The following RANBP2 variants were observed in gnomAD, a reference collection of about 807,000 sequenced individuals.
RANBP2 encodes E3 SUMO-protein ligase RanBP2.
Under a neutral mutation model 303.6 loss-of-function variants are expected in RANBP2, and 57 were observed. That is an observed-to-expected ratio of 0.19 (90% CI 0.15 to 0.23). The LOEUF (loss-of-function observed/expected upper bound fraction) is 0.23, where lower values mean the gene tolerates loss of function less well. RANBP2 is among the 10% of genes least tolerant of loss of function. The pLI, the probability that RANBP2 is intolerant of heterozygous loss-of-function variation, is 1.00. For synonymous variants in RANBP2, 1,167 were observed against 1,301.5 expected (o/e 0.90, Z 2.23); for missense variants, 3,138 against 3,780.8 (o/e 0.83, Z 4.46).
chr2:108,814,733 A>G, the RANBP2 span, among the ~76,000 whole-genome samples: 1 of 150,254 alleles, frequency 6.7e-6, no homozygotes, highest in East Asian at 1.9e-4. Flanking sequence ...CAGTGGTGCA[A>G]CCTTTGCCTT....
the RANBP2 span, among the ~76,000 whole-genome samples, chr2:109,286,125 C>T: frequency 6.6e-6 from 1 of 152,148 alleles, no homozygotes; most frequent in Non-Finnish European, 1.5e-5. Context: ...ACCCTGCAGG[C>T]CTGGTGCTTT....
At chr2:109,267,401 G>A in the RANBP2 span, among the ~76,000 whole-genome samples, 1 of 152,162 alleles carries the variant, frequency 6.6e-6, no homozygotes, top group African/African-American at 2.4e-5. Context: ...GAGCTTGCCC[G>A]AAGAAAGAAA....
the RANBP2 span, among the ~76,000 whole-genome samples, chr2:109,187,127 G>A: frequency 2.7e-5 from 4 of 149,786 alleles, no homozygotes; most frequent in Non-Finnish European, 6.0e-5. Flanking sequence ...GCCACAGGGT[G>A]AGGGACACAG....
chr2:109,268,582 C>T, the RANBP2 span, among the ~76,000 whole-genome samples: 1 of 152,188 alleles, frequency 6.6e-6, no homozygotes, highest in Non-Finnish European at 1.5e-5. Flanking sequence ...GGGCCTCGCT[C>T]CAGGGAGAGG....
At chr2:109,093,914 C>T in the RANBP2 span, among the ~76,000 whole-genome samples, 18 of 152,342 alleles carry the variant, frequency 1.2e-4, no homozygotes, top group East Asian at 7.7e-4. Context: ...GTTATTCTCA[C>T]AGAAGCCCAG....
chr2:109,362,933 G>A, the RANBP2 span, among the ~76,000 whole-genome samples: 1 of 152,036 alleles, frequency 6.6e-6, no homozygotes, highest in Non-Finnish European at 1.5e-5. Flanking sequence ...TTGATTTGCT[G>A]TTAATCTGCT....
chr2:108,772,256 T>C (rs1190971672), intron 21 of RANBP2, among the ~76,000 whole-genome samples: 1 of 152,186 alleles, frequency 6.6e-6, no homozygotes, highest in Non-Finnish European at 1.5e-5. Context: ...TGGACAGTGG[T>C]ATATAGTATT....
the RANBP2 span, among the ~76,000 whole-genome samples, chr2:109,492,299 C>T: frequency 2.0e-5 from 3 of 152,190 alleles, no homozygotes; most frequent in Non-Finnish European, 4.4e-5. Context: ...CGCAGTTTGC[C>T]AGCCCTGACA....
the RANBP2 span, among the ~76,000 whole-genome samples, chr2:108,981,382 G>C: frequency 6.6e-6 from 1 of 152,216 alleles, no homozygotes; most frequent in South Asian, 2.1e-4. Flanking sequence ...AGGCTCCTGA[G>C]GTTGAAGTTG....
In RANBP2 at chr2:108,749,087, G is replaced by A. The variant is rs139907041; in HGVS notation, c.1231G>A (p.Val411Ile). 55 of 1,611,974 alleles carry A rather than the reference G, an allele frequency of 3.4e-5. No individual in the cohort carries two copies. The African/African-American group carries it at 6.7e-4, about 20-fold the overall frequency. ...TAGCGATGATATTGGAAACATTGAT[G>A]TACGAGAACCAGAGCTTGAAGATTT... ...LGSDDIGNID[V>I]REPELEDLTR... Residue 411 changes from valine to isoleucine, a missense_variant, in exon 9 of 29, where the codon GTA (valine) becomes ATA (isoleucine). This residue lies in a region of RANBP2 where 95 missense variants were observed against 86.4 expected (regional missense o/e 1.10). Transcript: ENST00000283195.
chr2:109,230,470 C>T, the RANBP2 span, among the ~76,000 whole-genome samples: 1 of 152,086 alleles, frequency 6.6e-6, no homozygotes, highest in African/African-American at 2.4e-5. Context: ...ATCCCAGTTA[C>T]TCGGGGGGCT....
At chr2:109,450,528 G>A in the RANBP2 span, among the ~76,000 whole-genome samples, 1 of 152,084 alleles carries the variant, frequency 6.6e-6, no homozygotes, top group Admixed American at 6.5e-5. Context: ...TTTTTAAAAA[G>A]TAAAATTAAT....
chr2:109,094,769 G>A, the RANBP2 span, among the ~76,000 whole-genome samples: 1 of 152,134 alleles, frequency 6.6e-6, no homozygotes, highest in East Asian at 1.9e-4. Flanking sequence ...GGTGGAGGTT[G>A]CGGTGAGCCG....
chr2:109,297,120 G>A, the RANBP2 span, among the ~76,000 whole-genome samples: 27 of 152,154 alleles, frequency 1.8e-4, no homozygotes, highest in Non-Finnish European at 3.5e-4. Context: ...CGGCTCCACA[G>A]AGAGTAAGAA....
At chr2:109,457,144 G>A in the RANBP2 span, among the ~76,000 whole-genome samples, 2 of 152,252 alleles carry the variant, frequency 1.3e-5, no homozygotes, top group Admixed American at 1.3e-4. Context: ...TGAGTTGTTG[G>A]GAGTAGTAAA....
chr2:108,851,102 A>G, the RANBP2 span, among the ~76,000 whole-genome samples: 1 of 152,008 alleles, frequency 6.6e-6, no homozygotes, highest in Admixed American at 6.6e-5. Flanking sequence ...AGCTCATAGA[A>G]CTCAGCGAAA....
At chr2:109,233,680 G>A in the RANBP2 span, among the ~76,000 whole-genome samples, 1 of 152,226 alleles carries the variant, frequency 6.6e-6, no homozygotes, top group African/African-American at 2.4e-5. Context: ...CCACACTCAA[G>A]ATGCAGAGCT....
chr2:108,827,045 C>T, the RANBP2 span, among the ~76,000 whole-genome samples: 2 of 152,062 alleles, frequency 1.3e-5, no homozygotes, highest in Admixed American at 1.3e-4. Context: ...TTGGATTGTA[C>T]ATTACTAATA....
chr2:108,806,412 C>G, the RANBP2 span, among the ~76,000 whole-genome samples: 1 of 152,170 alleles, frequency 6.6e-6, no homozygotes, highest in African/African-American at 2.4e-5. Flanking sequence ...AATATTTGGA[C>G]CTATTGATAA....
Sources: allele counts gnomAD v4.1 joint callset (sites outside exome capture counted in the v4.1 genomes callset), GRCh38; gene constraint gnomAD v4.1.1; regional missense constraint gnomAD v4.1.1; transcripts MANE v1.5; gene names NCBI Gene and HGNC (gene_info 2026-07-23, HGNC 2026-07-21).